MARCHF4: variants seen among roughly 807,000 people sequenced by gnomAD.
MARCHF4 encodes the protein membrane associated ring-CH-type finger 4.
Under a neutral mutation model 43.9 loss-of-function variants are expected in MARCHF4, and 14 were observed. The ratio of observed to expected loss-of-function variants is 0.32; its 90% CI spans 0.21 to 0.50. The LOEUF (loss-of-function observed/expected upper bound fraction) is 0.50, where lower values mean the gene tolerates loss of function less well. Among genes scored for constraint, MARCHF4 ranks in the 20% least tolerant of loss-of-function variants. The probability of loss-of-function intolerance (pLI) is 0.98; values close to 1 mark genes in which losing one functional copy is unlikely to be tolerated. For missense variants in MARCHF4, 468 were observed against 536.7 expected, an observed-to-expected ratio of 0.87 and a Z score of 1.27; for synonymous variants, 226 against 213.3, an observed-to-expected ratio of 1.06 and a Z score of -0.52.
At chr2:216,334,095 G>A (rs1382308431) in intron 1 of MARCHF4, among the ~76,000 whole-genome samples, 2 of 152,128 alleles carry the variant, frequency 1.3e-5, no homozygotes, top group African/African-American at 2.4e-5. Context: ...GGGGAACTGA[G>A]GTTGCTAATC....
intron 3 of MARCHF4, among the ~76,000 whole-genome samples, chr2:216,271,509 G>C (rs994903949): frequency 6.6e-6 from 1 of 152,152 alleles, no homozygotes; most frequent in Non-Finnish European, 1.5e-5. Flanking sequence ...TGAGCTCCTT[G>C]AGGGCAAGGA....
chr2:216,354,963 CTT>C (rs1299407365), intron 1 of MARCHF4, among the ~76,000 whole-genome samples: 1 of 129,032 alleles, frequency 7.8e-6, no homozygotes, highest in Non-Finnish European at 1.6e-5. Context: ...TTCTTTCTTT[CTT>C]TCTTTCTTTC....
At position 216,283,573 on chromosome 2, in the gene MARCHF4, C is replaced by T; in HGVS notation, c.672+1G>A. The T allele has an allele frequency of 6.3e-7, 1 of 1,597,182 alleles. No homozygotes were observed. The highest frequency in any genetic ancestry group is 8.6e-7 in the Non-Finnish European group (1 of 1,166,460). On this transcript the variant is annotated splice_donor_variant, in intron 2 of 3. Transcript: ENST00000273067. LOFTEE classifies it high-confidence loss of function. ...CCCCACCAGGCAGCCCTGGGTTGTACCTGCAGAGGATTTTTTGTGCTTATG... is the reference window on the plus strand; with the variant it reads ...CCCCACCAGGCAGCCCTGGGTTGTATCTGCAGAGGATTTTTTGTGCTTATG...
intron 1 of MARCHF4, among the ~76,000 whole-genome samples, chr2:216,329,826 C>A (rs1326826147): frequency 6.6e-6 from 1 of 151,580 alleles, no homozygotes; most frequent in African/African-American, 2.4e-5. Context: ...GTGGCTCACA[C>A]CTGTAATCTC....
At chr2:216,299,895 T>G (rs1161265070) in intron 1 of MARCHF4, among the ~76,000 whole-genome samples, 1 of 152,254 alleles carries the variant, frequency 6.6e-6, no homozygotes, top group Non-Finnish European at 1.5e-5. Context: ...CAGGCTTGCT[T>G]GCCTGAAGGC....
chr2:216,313,035 C>T (rs192045221), intron 1 of MARCHF4, among the ~76,000 whole-genome samples: 2 of 152,250 alleles, frequency 1.3e-5, no homozygotes, highest in East Asian at 1.9e-4. Flanking sequence ...AGTCTTTAAT[C>T]CACCTTGAGT....
chr2:216,358,152 T>C (rs780558476), intron 1 of MARCHF4, among the ~76,000 whole-genome samples: 7 of 152,238 alleles, frequency 4.6e-5, no homozygotes, highest in Non-Finnish European at 7.3e-5. Context: ...GGACAGGTAC[T>C]ATTATTATCA....
intron 1 of MARCHF4, among the ~76,000 whole-genome samples, chr2:216,290,785 A>G (rs1489066687): frequency 6.6e-6 from 1 of 152,216 alleles, no homozygotes. Context: ...GAGAAGTAGA[A>G]AAGTCAAGAA....
At chr2:216,318,191 A>C (rs761858284) in intron 1 of MARCHF4, 10 of 152,246 alleles carry the variant, frequency 6.6e-5, no homozygotes, top group Non-Finnish European at 1.3e-4. Flanking sequence ...GGCACAGGTC[A>C]TCCTTAAATG....
At chr2:216,293,361 A>T (rs1243311954) in intron 1 of MARCHF4, among the ~76,000 whole-genome samples, 4 of 152,176 alleles carry the variant, frequency 2.6e-5, no homozygotes. Flanking sequence ...TAATTTGATT[A>T]AAAAAAGAAA....
chr2:216,339,999 C>A (rs1692212109), intron 1 of MARCHF4, among the ~76,000 whole-genome samples: 1 of 152,090 alleles, frequency 6.6e-6, no homozygotes. Flanking sequence ...CCAGCACCCA[C>A]CCCCTTTCCC....
chr2:216,259,543 G>A lies in MARCHF4; in HGVS notation c.1002C>T (p.Pro334=). Residue 334 remains proline, a synonymous_variant, in exon 4 of 4, where the codon CCC becomes CCT. Coordinates refer to ENST00000273067, the MANE Select transcript of MARCHF4 (RefSeq NM_020814.3). ...TGGCCTGGGTGGATGAGGAGGTCCG[G>A]GGGTTGGTCCTGCCTCCTGCCTTTT... ...EDQKAGGRTN[P]RTSSSTQANI... The A allele has an allele frequency of 6.2e-7, 1 of 1,614,176 alleles. No individual in the cohort carries two copies. Among genetic ancestry groups the A allele is most frequent in the Non-Finnish European group, 8.5e-7 (1 of 1,180,030 alleles).
chr2:216,307,355 G>C (rs547258401), intron 1 of MARCHF4, among the ~76,000 whole-genome samples: 28 of 152,244 alleles, frequency 1.8e-4, no homozygotes, highest in Admixed American at 1.4e-3. Context: ...AATTACAAGG[G>C]GGGTGGGAAG....
At chr2:216,312,201 T>C (rs2105956923) in intron 1 of MARCHF4, among the ~76,000 whole-genome samples, 1 of 152,336 alleles carries the variant, frequency 6.6e-6, no homozygotes, top group South Asian at 2.1e-4. Flanking sequence ...CCATTTATAA[T>C]TGGGAACATG....
At chr2:216,369,383 C>T (rs953045524) in intron 1 of MARCHF4, among the ~76,000 whole-genome samples, 7 of 152,212 alleles carry the variant, frequency 4.6e-5, no homozygotes, top group African/African-American at 1.7e-4. Flanking sequence ...ATGTTACTAA[C>T]AACAAGTTAG....
At chr2:216,322,825 A>T (rs561606296) in intron 1 of MARCHF4, among the ~76,000 whole-genome samples, 2 of 152,206 alleles carry the variant, frequency 1.3e-5, no homozygotes, top group African/African-American at 2.4e-5. Flanking sequence ...ACTCCGTCTC[A>T]AAAAAAAGAA....
In MARCHF4 at chr2:216,259,417, G is replaced by A; in HGVS notation, c.1128C>T (p.His376=). The stretch of plus-strand genomic sequence containing the variant: ...GGATGTGCAGGATGGTATAAGCACA[G>A]TGGTGATGGGACAGAGGGCCTGAGG... The part of the protein sequence containing the change: ...GHPSGPLSHH[H]CAYTILHILS... The change falls in exon 4 of 4, where the codon CAC becomes CAT. Residue 376 remains histidine (H), a synonymous_variant. Transcript: ENST00000273067. 6.2e-7 allele frequency: 1 copy of A among 1,614,016 alleles called. No homozygotes were observed. Among genetic ancestry groups the A allele is most frequent in the Non-Finnish European group, 8.5e-7 (1 of 1,179,928 alleles).
chr2:216,294,854 T>C (rs1691363827), intron 1 of MARCHF4, among the ~76,000 whole-genome samples: 1 of 152,202 alleles, frequency 6.6e-6, no homozygotes, highest in Non-Finnish European at 1.5e-5. Flanking sequence ...TACTGAGCAC[T>C]TATCAGGTGC....
intron 1 of MARCHF4, among the ~76,000 whole-genome samples, chr2:216,286,500 C>T (rs1341674132): frequency 4.2e-5 from 6 of 144,262 alleles, no homozygotes; most frequent in African/African-American, 1.0e-4. Flanking sequence ...CCAGCCTGGG[C>T]GACAGAGTGC....
Sources: gnomAD v4.1 joint callset for allele counts (sites outside exome capture counted in the v4.1 genomes callset) on GRCh38, gnomAD v4.1.1 for gene constraint, MANE v1.5 for transcripts, NCBI Gene and HGNC (gene_info 2026-07-23, HGNC 2026-07-21) for gene names.